Variants in DDX27 observed in about 807,000 individuals in gnomAD.
DDX27 encodes DEAD-box helicase 27, also known as probable ATP-dependent RNA helicase DDX27.
A neutral mutation model predicts 99.3 loss-of-function variants in DDX27; 42 were observed. The ratio of observed to expected loss-of-function variants is 0.42; its 90% CI spans 0.33 to 0.55. The LOEUF (loss-of-function observed/expected upper bound fraction) is 0.55, where lower values mean the gene tolerates loss of function less well. Among genes scored for constraint, DDX27 ranks in the 20% least tolerant of loss-of-function variants. The probability of loss-of-function intolerance (pLI) is 0.07; values close to 1 mark genes in which losing one functional copy is unlikely to be tolerated. For missense variants in DDX27, 798 were observed against 976.8 expected, an observed-to-expected ratio of 0.82 and a Z score of 2.44; for synonymous variants, 329 against 353.8, an observed-to-expected ratio of 0.93 and a Z score of 0.79.
At position 49,243,747 on chromosome 20, in the gene DDX27, G is replaced by T. The variant is rs867899185; in HGVS notation, c.2279+44G>T. 1.9e-6 allele frequency: 3 copies of T among 1,613,528 alleles called. No homozygotes were observed. In the Middle Eastern group the frequency reaches 4.9e-4, roughly 266 times the overall value. On this transcript the variant is annotated intron_variant, in intron 20 of 20. Coordinates refer to ENST00000618172, the MANE Select transcript of DDX27 (RefSeq NM_017895.8). The stretch of plus-strand genomic sequence containing the variant: ...GAGGGGCATAGGTTTTGGGATTAGA[G>T]ATAAAAACCTTTCATGGAAAAGAAG...
chr20:49,228,966 G>C lies in DDX27; in HGVS notation c.880+78G>C, dbSNP rs1980000801. On this transcript the variant is annotated intron_variant, in intron 8 of 20. Coordinates refer to ENST00000618172, the MANE Select transcript of DDX27 (RefSeq NM_017895.8). ...GGATGGATGTGCCCCGCCATCTGTT[G>C]GTGTTGGTGACAGGTGCCAGGAGAG... 6 of 1,375,058 alleles carry C rather than the reference G, an allele frequency of 4.4e-6. No homozygotes were observed. In the South Asian group the frequency reaches 7.6e-5, roughly 17 times the overall value. 85.2% of individuals were successfully genotyped at this position (1,375,058 alleles called of 1,614,324 possible).
In DDX27 at chr20:49,233,330, G is replaced by A. The variant is rs1980188028; in HGVS notation, c.1056G>A (p.Glu352=). ...ADRMLDEYFE[E]QMKEIIRMCS... ...GGATGCTGGATGAGTACTTTGAGGAGCAGATGAAGGAGATCATCCGAATGT... is the reference window on the plus strand; with the variant it reads ...GGATGCTGGATGAGTACTTTGAGGAACAGATGAAGGAGATCATCCGAATGT... Residue 352 remains glutamate, a synonymous_variant, in exon 10 of 21, where the codon GAG becomes GAA. Transcript: ENST00000618172. 5 of 1,613,968 alleles carry A rather than the reference G, an allele frequency of 3.1e-6. No homozygotes were observed. The highest frequency in any genetic ancestry group is 4.2e-6 in the Non-Finnish European group (5 of 1,179,924).
At chr20:49,233,517 T>C in intron 10 of DDX27, 51 bp from the exon 11 acceptor site, 1 of 1,603,014 alleles carries the variant, frequency 6.2e-7, no homozygotes, top group Non-Finnish European at 8.5e-7. Flanking sequence ...TGCTTCCTCC[T>C]TCCCTACCAC....
intron 12 of DDX27, 140 bp downstream of exon 12, chr20:49,235,228 T>TCACAGTGGTTAGGTTAA: frequency 1.0e-6 from 1 of 962,674 alleles, no homozygotes; most frequent in Non-Finnish European, 1.5e-6. Context: ...CATTTTAACC[T>TCACAGTGGTTAGGTTAA]AACCACTGTG....
chr20:49,228,952 C>T, intron 8 of DDX27, 64 bp downstream of exon 8: 3 of 1,435,098 alleles, frequency 2.1e-6, no homozygotes, highest in Non-Finnish European at 2.8e-6. Context: ...GATGGATGTG[C>T]CCCGCCATCT....
At position 49,226,857 on chromosome 20, in the gene DDX27, C is replaced by T. The variant is rs868510442; in HGVS notation, c.706+322C>T. On this transcript the variant is annotated intron_variant, in intron 7 of 20. Transcript: ENST00000618172. Reference sequence around the variant, plus strand: ...CTGGTGCAATTGAGAGAGTAAAGGACTTTTTTTTTTTTTTTTTTTTTTTGA... The same window carrying T: ...CTGGTGCAATTGAGAGAGTAAAGGATTTTTTTTTTTTTTTTTTTTTTTTGA... 3.5e-3 allele frequency among the ~76,000 whole-genome samples: 220 copies of T among 63,418 alleles called. 1 individual carries two copies. Among genetic ancestry groups the T allele is most frequent in the Non-Finnish European group, 3.9e-3 (140 of 36,340 alleles). 41.6% of individuals were successfully genotyped at this position (63,418 alleles called of 152,430 possible).
intron 2 of DDX27, among the ~76,000 whole-genome samples, chr20:49,222,374 A>G (rs1208572545): frequency 6.6e-6 from 1 of 151,852 alleles, no homozygotes; most frequent in African/African-American, 2.4e-5. Flanking sequence ...CAATGGTACC[A>G]TCTTGACTCA....
intron 16 of DDX27, among the ~76,000 whole-genome samples, chr20:49,241,123 G>A (rs893501194): frequency 6.6e-6 from 1 of 152,258 alleles, no homozygotes; most frequent in Non-Finnish European, 1.5e-5. Context: ...TTAAGCAAGT[G>A]TATATTTGGC....
At chr20:49,232,034 T>C (rs106491) in intron 9 of DDX27, among the ~76,000 whole-genome samples, 119,530 of 151,874 alleles carry the variant, frequency 0.79, 47,349 homozygotes, top group Middle Eastern at 0.84. Flanking sequence ...TACAGGCACA[T>C]GCTACCATGC....
At chr20:49,232,154 T>G (rs1254380566) in intron 9 of DDX27, among the ~76,000 whole-genome samples, 1 of 152,054 alleles carries the variant, frequency 6.6e-6, no homozygotes, top group East Asian at 1.9e-4. Flanking sequence ...CCCAAAGTTT[T>G]GGGATTATAG....
chr20:49,223,541 G>A (rs2146706213), intron 4 of DDX27, 108 bp downstream of exon 4: 2 of 1,035,704 alleles, frequency 1.9e-6, no homozygotes, highest in Non-Finnish European at 2.7e-6. Context: ...TCTTTAAGCT[G>A]TTCTGCCTAC....
chr20:49,226,779 G>C (rs1600966640), intron 7 of DDX27, among the ~76,000 whole-genome samples: 1 of 151,590 alleles, frequency 6.6e-6, no homozygotes, highest in South Asian at 2.1e-4. Flanking sequence ...TGGGATTACA[G>C]GCATGAGCCA....
At chr20:49,225,866 C>T (rs1979868309) in intron 6 of DDX27, among the ~76,000 whole-genome samples, 1 of 152,136 alleles carries the variant, frequency 6.6e-6, no homozygotes, top group African/African-American at 2.4e-5. Flanking sequence ...TATTGACCTA[C>T]AAGGCTCTGC....
chr20:49,221,691 G>A (rs943123579), intron 2 of DDX27, 93 bp downstream of exon 2: 1 of 1,146,834 alleles, frequency 8.7e-7, no homozygotes. Context: ...CTGACCATCT[G>A]TTTACATTCA....
chr20:49,234,736 G>C (rs2146716422), intron 11 of DDX27, 199 bp from the exon 12 acceptor site: 1 of 536,458 alleles, frequency 1.9e-6, no homozygotes. Context: ...CCTCGTCCCT[G>C]CACTCTCTCT....
intron 11 of DDX27, chr20:49,234,691 A>T (rs1980246659): frequency 1.5e-5 from 6 of 390,904 alleles, no homozygotes; most frequent in Non-Finnish European, 2.3e-5. Context: ...ACCTAATGTC[A>T]CCTCTTCAGA....
rs1246876036 is a variant in DDX27 at position 49,242,147 on chromosome 20, G to C, written c.2057G>C (p.Arg686Thr). The C allele has an allele frequency of 6.2e-7, 1 of 1,614,248 alleles. No homozygotes were observed. The highest frequency in any genetic ancestry group is 1.7e-5 in the Admixed American group (1 of 60,030). Residue 686 changes from arginine to threonine, a missense_variant, in exon 18 of 21, where the codon AGG (arginine) becomes ACG (threonine). Transcript: ENST00000618172. ...ATGTTTGCTGAACGGCTAGCGAAGA[G>C]GAATCGCAGAGCCAAGCGGGCCCGA... is the stretch of plus-strand genomic sequence containing the variant. ...AQMFAERLAKRNRRAKRARAM... is the reference protein window; with the variant it reads ...AQMFAERLAKTNRRAKRARAM...
intron 7 of DDX27, 69 bp from the exon 8 acceptor site, chr20:49,228,646 C>T: frequency 7.2e-7 from 1 of 1,390,986 alleles, no homozygotes. Context: ...TTTCTGTGCT[C>T]TGGTGAAAAC....
At chr20:49,234,834 C>A in intron 11 of DDX27, 101 bp from the exon 12 acceptor site, 1 of 1,356,482 alleles carries the variant, frequency 7.4e-7, no homozygotes, top group Non-Finnish European at 1.0e-6. Context: ...GCCTGTCTAT[C>A]CAGTGCCAGG....
Sources: gnomAD v4.1 joint callset for allele counts (sites outside exome capture counted in the v4.1 genomes callset) on GRCh38, gnomAD v4.1.1 for gene constraint, MANE v1.5 for transcripts, NCBI Gene and HGNC (gene_info 2026-07-23, HGNC 2026-07-21) for gene names.